The following ARMC9 variants were observed in gnomAD, a reference collection of about 807,000 sequenced individuals.
ARMC9 encodes lisH domain-containing protein ARMC9.
In ARMC9, 94 loss-of-function variants were observed where a neutral mutation model predicts 107.0. The ratio of observed to expected loss-of-function variants is 0.88; its 90% CI spans 0.74 to 1.04. ARMC9 has a LOEUF of 1.04. ARMC9 is among the 50% of genes least tolerant of loss of function. The pLI is 0.00. For synonymous variants in ARMC9, 380 were observed against 396.9 expected, an observed-to-expected ratio of 0.96 and a Z score of 0.51; for missense variants, 942 against 1,030.1, an observed-to-expected ratio of 0.91 and a Z score of 1.17.
chr2:231,305,939 C>T (rs1184649143), intron 19 of ARMC9, among the ~76,000 whole-genome samples: 1 of 152,162 alleles, frequency 6.6e-6, no homozygotes. Context: ...TTTAAATAGT[C>T]AAATTCTTTT....
chr2:231,265,976 C>G (rs1170169259), intron 12 of ARMC9, among the ~76,000 whole-genome samples: 2 of 147,290 alleles, frequency 1.4e-5, no homozygotes, highest in Non-Finnish European at 3.0e-5. Flanking sequence ...CTAGCCTGGG[C>G]AGCAGACTGA....
intron 21 of ARMC9, among the ~76,000 whole-genome samples, chr2:231,347,189 T>C (rs1446099669): frequency 6.6e-6 from 1 of 152,232 alleles, no homozygotes; most frequent in Admixed American, 6.5e-5. Flanking sequence ...GATCTTTGAC[T>C]GTGGCAAGCT....
rs867964955 is a variant in ARMC9 at position 231,262,333 on chromosome 2, C to T, written c.1054C>T (p.Gln352Ter). The T allele has an allele frequency of 4.3e-6, 7 of 1,614,162 alleles. No homozygotes were observed. Among genetic ancestry groups the T allele is most frequent in the African/African-American group, 1.3e-5 (1 of 75,048 alleles). ...CTTGACCACATCCCATCCTGGAGAG[C>T]AGAGGGAGACCGTTCTGCAAGCCTA... is the stretch of plus-strand genomic sequence containing the variant. ...WRLTTSHPGE[Q>*]RETVLQAYIS... is the part of the protein sequence containing the mutation. Residue 352 changes from glutamine to a stop codon, truncating the protein, a stop_gained, in exon 12 of 25, where the codon CAG becomes TAG. Coordinates refer to ENST00000611582, the MANE Select transcript of ARMC9 (RefSeq NM_001352754.2). LOFTEE classifies it high-confidence loss of function.
intron 3 of ARMC9, among the ~76,000 whole-genome samples, chr2:231,210,905 T>C (rs191711286): frequency 2.6e-5 from 4 of 152,240 alleles, no homozygotes; most frequent in Non-Finnish European, 5.9e-5. Flanking sequence ...ATTTAACAAC[T>C]CCGCCTTTAT....
chr2:231,226,591 T>C (rs2034664540), intron 6 of ARMC9, among the ~76,000 whole-genome samples, 183 bp from the exon 7 acceptor site: 1 of 152,046 alleles, frequency 6.6e-6, no homozygotes, highest in Non-Finnish European at 1.5e-5. Context: ...GAAATGGGAG[T>C]GGGTCAGGCC....
intron 21 of ARMC9, among the ~76,000 whole-genome samples, chr2:231,348,421 GAC>G: frequency 6.6e-6 from 1 of 152,218 alleles, no homozygotes; most frequent in East Asian, 1.9e-4. Flanking sequence ...ATAATTATGA[GAC>G]AAGTTTGTGT....
At chr2:231,301,801 A>G (rs181353472) in intron 19 of ARMC9, among the ~76,000 whole-genome samples, 1 of 152,266 alleles carries the variant, frequency 6.6e-6, no homozygotes, top group Non-Finnish European at 1.5e-5. Context: ...CAACATGGTG[A>G]AACCCTGTCT....
At chr2:231,298,867 G>C (rs80126985) in intron 19 of ARMC9, among the ~76,000 whole-genome samples, 8,165 of 152,218 alleles carry the variant, frequency 0.054, 552 homozygotes, top group South Asian at 0.25. Flanking sequence ...CTGGGAGGCG[G>C]AGGCTGCAGT....
At chr2:231,199,514 G>A (rs2030412055) in intron 1 of ARMC9, among the ~76,000 whole-genome samples, 1 of 152,168 alleles carries the variant, frequency 6.6e-6, no homozygotes, top group South Asian at 2.1e-4. Context: ...TTGGGAGTGT[G>A]TCAGACTTCC....
chr2:231,371,025 CTCCCACT>C (rs1200838975), intron 24 of ARMC9: 2 of 455,202 alleles, frequency 4.4e-6, no homozygotes, highest in Admixed American at 4.7e-5. Context: ...GTTGGGACCC[CTCCCACT>C]TCCCACTGGG....
At chr2:231,324,425 GTTTAATTAAAAAACAGCTTTGT>G (rs1368169794) in intron 19 of ARMC9, among the ~76,000 whole-genome samples, 1 of 146,254 alleles carries the variant, frequency 6.8e-6, no homozygotes, top group African/African-American at 2.5e-5. Flanking sequence ...TATAAAGTAC[GTTTAATTAAAAAACAGCTTTGT>G]TTTAATTAAA....
At position 231,287,263 on chromosome 2, in the gene ARMC9, C is replaced by T. The variant is rs549432317; in HGVS notation, c.1627-4090C>T. On this transcript the variant is annotated intron_variant, in intron 17 of 24. Transcript: ENST00000611582. ...AGGGCTGGGTGCTGCTGCTCCCCAC[C>T]CAACAGAATGATGTGTATTCCCCAC... 2.0e-5 allele frequency among the ~76,000 whole-genome samples: 3 copies of T among 152,308 alleles called. No individual in the cohort carries two copies. The East Asian group carries it at 5.8e-4, about 29-fold the overall frequency.
chr2:231,272,421 C>T (rs1238125035), intron 13 of ARMC9, among the ~76,000 whole-genome samples: 1 of 152,096 alleles, frequency 6.6e-6, no homozygotes, highest in Non-Finnish European at 1.5e-5. Flanking sequence ...TCTCCAACGC[C>T]TCGGCTCAAA....
rs1277386511 is a variant in ARMC9, at chr2:231,239,935, C to T, written c.781-8C>T. The T allele has an allele frequency of 6.2e-7, 1 of 1,612,044 alleles. No individual in the cohort carries two copies. Among genetic ancestry groups the T allele is most frequent in the South Asian group, 1.1e-5 (1 of 90,940 alleles). On this transcript the variant is annotated splice_polypyrimidine_tract_variant and splice_region_variant and intron_variant, in intron 8 of 24. Transcript: ENST00000611582. ...CCATCACCAGATGTCTTTGTATCCT[C>T]CTTGCAGATCACCCCTGAGTACCTC...
chr2:231,301,033 T>C (rs996091128), intron 19 of ARMC9, among the ~76,000 whole-genome samples: 19 of 152,294 alleles, frequency 1.2e-4, no homozygotes, highest in Non-Finnish European at 2.5e-4. Flanking sequence ...AGTGTGTGCA[T>C]GCGCTTTCAT....
Position 231,296,179 on chromosome 2 carries a change from A to T in ARMC9, c.1718-19A>T. 2 of 1,599,898 alleles carry T rather than the reference A, an allele frequency of 1.3e-6. No homozygotes were observed. Among genetic ancestry groups the T allele is most frequent in the Non-Finnish European group, 1.7e-6 (2 of 1,169,072 alleles). On this transcript the variant is annotated intron_variant, in intron 18 of 24. Transcript: ENST00000611582. ...CCCACTGTTTATCCATTATTCATTG[A>T]TTCTTTTTTTCTTTATAGAAGAGCT...
intron 19 of ARMC9, among the ~76,000 whole-genome samples, chr2:231,329,431 C>T (rs915078617): frequency 5.3e-5 from 8 of 152,110 alleles, no homozygotes; most frequent in African/African-American, 1.9e-4. Context: ...CTGCCTCAGC[C>T]TCTGAGTAGC....
At chr2:231,287,089 C>T (rs1368611051) in intron 17 of ARMC9, among the ~76,000 whole-genome samples, 1 of 152,198 alleles carries the variant, frequency 6.6e-6, no homozygotes, top group Admixed American at 6.5e-5. Context: ...TATAAAAGCT[C>T]CCAGAATCTG....
In ARMC9 at chr2:231,281,476, C is replaced by T. The variant is rs1016578859; in HGVS notation, c.1552-583C>T. On this transcript the variant is annotated intron_variant, in intron 16 of 24. Transcript: ENST00000611582. ...ATCCTGTGTGCCACACCAAGGAGTT[C>T]CACCTTTCCAACTGGGCTCTATGGA... Among the ~76,000 whole-genome samples, 4 of 152,222 alleles carry T rather than the reference C, an allele frequency of 2.6e-5. No homozygotes were observed. The East Asian group carries it at 7.7e-4, about 29-fold the overall frequency.
Sources: gnomAD v4.1 joint callset for allele counts (sites outside exome capture counted in the v4.1 genomes callset) on GRCh38, gnomAD v4.1.1 for gene constraint, MANE v1.5 for transcripts, NCBI Gene and HGNC (gene_info 2026-07-23, HGNC 2026-07-21) for gene names.